The following FAH variants were observed in gnomAD, a reference collection of about 807,000 sequenced individuals.
FAH encodes the protein fumarylacetoacetase.
FAH carries 47 observed loss-of-function variants against 55.8 expected under a neutral mutation model. The ratio of observed to expected loss-of-function variants is 0.84; its 90% CI spans 0.67 to 1.07. FAH has a LOEUF of 1.07. Among genes scored for constraint, FAH ranks in the 50% least tolerant of loss-of-function variants. The pLI is 0.00. For missense variants in FAH, 495 were observed against 545.9 expected, an observed-to-expected ratio of 0.91 and a Z score of 0.93; for synonymous variants, 199 against 207.7, an observed-to-expected ratio of 0.96 and a Z score of 0.36.
At chr15:80,164,381 A>G (rs1227825302) in intron 5 of FAH, among the ~76,000 whole-genome samples, 2 of 152,176 alleles carry the variant, frequency 1.3e-5, no homozygotes, top group African/African-American at 4.8e-5. Flanking sequence ...GATTACATTT[A>G]GGGTTCACTC....
chr15:80,155,573 A>C (rs1229737035), intron 1 of FAH, among the ~76,000 whole-genome samples: 2 of 152,130 alleles, frequency 1.3e-5, no homozygotes, highest in Non-Finnish European at 2.9e-5. Flanking sequence ...TGTGTGCGGA[A>C]ACGAGAGATT....
At position 80,173,115 on chromosome 15, in the gene FAH, A is replaced by G; in HGVS notation, c.808A>G (p.Met270Val). 6.2e-7 allele frequency: 1 copy of G among 1,614,170 alleles called. No homozygotes were observed. Among genetic ancestry groups the G allele is most frequent in the Non-Finnish European group, 8.5e-7 (1 of 1,180,032 alleles). Residue 270 changes from methionine (M) to valine (V), a missense_variant, in exon 9 of 14, where the codon ATG becomes GTG. Transcript: ENST00000561421. The stretch of plus-strand genomic sequence containing the variant: ...GTGGGTGGTGCCCATGGATGCTCTC[A>G]TGCCCTTTGCTGTGCCCAACCCGAA... ...SPWVVPMDALMPFAVPNPKQD... is the reference protein window; with the variant it reads ...SPWVVPMDALVPFAVPNPKQD...
intron 5 of FAH, chr15:80,162,794 C>A (rs2041160139): frequency 4.2e-6 from 1 of 236,206 alleles, no homozygotes. Context: ...TGTCACAAGG[C>A]CATGATTGTA....
At chr15:80,152,860 G>C, upstream of FAH, 2 of 577,080 alleles carry the variant, frequency 3.5e-6, no homozygotes, top group Middle Eastern at 4.6e-4. Flanking sequence ...GAGGGGCAGG[G>C]CTCGGGGTTC....
intron 3 of FAH, 87 bp downstream of exon 3, chr15:80,159,964 G>T: frequency 6.5e-7 from 1 of 1,531,820 alleles, no homozygotes; most frequent in South Asian, 1.2e-5. Flanking sequence ...TCTGAGTCAC[G>T]GCTTGGCAGC....
rs1040361476 is a variant in FAH at position 80,171,937 on chromosome 15, C to T, written c.607-212C>T. Among the ~76,000 whole-genome samples, 8 of 152,116 alleles carry T rather than the reference C, an allele frequency of 5.3e-5. No homozygotes were observed. The South Asian group carries it at 8.3e-4, about 16-fold the overall frequency. On this transcript the variant is annotated intron_variant, in intron 7 of 13. Coordinates refer to ENST00000561421, the MANE Select transcript of FAH (RefSeq NM_000137.4). ...GAGCTCAGGGGAGTGGAAGGAAGGC[C>T]GATGGCGGGGGCAGGGCACACCACT... is the stretch of plus-strand genomic sequence containing the variant.
chr15:80,176,693 G>A (rs1056040375), intron 10 of FAH, among the ~76,000 whole-genome samples: 1 of 152,250 alleles, frequency 6.6e-6, no homozygotes, highest in African/African-American at 2.4e-5. Flanking sequence ...CGTGCTTGGA[G>A]TATACTTTCT....
chr15:80,175,625 G>C (rs979869575), intron 10 of FAH, among the ~76,000 whole-genome samples: 1 of 152,206 alleles, frequency 6.6e-6, no homozygotes, highest in Non-Finnish European at 1.5e-5. Context: ...CATAGACAGG[G>C]CCCACATCTC....
At chr15:80,165,764 G>A (rs1211933161) in intron 5 of FAH, among the ~76,000 whole-genome samples, 1 of 151,884 alleles carries the variant, frequency 6.6e-6, no homozygotes, top group Non-Finnish European at 1.5e-5. Flanking sequence ...AGGGAAATGA[G>A]GACCATGCTG....
intron 9 of FAH, chr15:80,173,834 C>CGAT (rs1168287720): frequency 6.3e-6 from 1 of 159,120 alleles, no homozygotes; most frequent in Non-Finnish European, 1.4e-5. Context: ...TGAGTCCTCA[C>CGAT]GATGCCCCTC....
At position 80,166,638 on chromosome 15, in the gene FAH, T is replaced by TC. The variant is rs1193652467; in HGVS notation, c.456-1414_456-1413insC. Reference sequence around the variant, plus strand: ...TAGATACAGAGTTTTGCATTTTCTTTTTTTTTTTTTTTTTTTGAGACAGAG... The same window carrying TC: ...TAGATACAGAGTTTTGCATTTTCTTTCTTTTTTTTTTTTTTTTGAGACAGAG... On this transcript the variant is annotated intron_variant, in intron 5 of 13. Transcript: ENST00000561421. Among the ~76,000 whole-genome samples the TC allele has an allele frequency of 7.5e-5, 11 of 146,094 alleles. No individual in the cohort carries two copies. The East Asian group carries it at 1.6e-3, about 21-fold the overall frequency.
intron 10 of FAH, among the ~76,000 whole-genome samples, chr15:80,176,579 G>A (rs1282046824): frequency 6.6e-6 from 1 of 152,204 alleles, no homozygotes; most frequent in Non-Finnish European, 1.5e-5. Context: ...GAGGCTCAGA[G>A]AGGAAAAGGA....
chr15:80,158,541 G>C (rs774921244), intron 2 of FAH, among the ~76,000 whole-genome samples: 1 of 152,212 alleles, frequency 6.6e-6, no homozygotes, highest in Non-Finnish European at 1.5e-5. Flanking sequence ...AGGGAGCTAC[G>C]AGCCCAGCCC....
chr15:80,177,811 G>T (rs569506633), intron 11 of FAH, among the ~76,000 whole-genome samples: 1 of 152,326 alleles, frequency 6.6e-6, no homozygotes, highest in South Asian at 2.1e-4. Context: ...GGGGAAAATA[G>T]GTGTTCCTGT....
Position 80,159,810 on chromosome 15 carries a change from G to A in FAH, c.247G>A (p.Val83Met). 3.7e-6 allele frequency: 6 copies of A among 1,614,226 alleles called. No homozygotes were observed. The highest frequency in any genetic ancestry group is 1.3e-5 in the African/African-American group (1 of 75,054). ...LGQAAWKEAR[V>M]FLQNLLSVSQ... Reference sequence around the variant, plus strand: ...TCAGGCTGCCTGGAAGGAGGCGAGAGTGTTCTTGCAGAACTTGCTGTCTGT... The same window carrying A: ...TCAGGCTGCCTGGAAGGAGGCGAGAATGTTCTTGCAGAACTTGCTGTCTGT... Residue 83 changes from valine (V) to methionine (M), a missense_variant, in exon 3 of 14, where the codon GTG becomes ATG. Physicochemically the swap from Val to Met is conservative, Grantham distance 21. Coordinates refer to ENST00000561421, the MANE Select transcript of FAH (RefSeq NM_000137.4).
At chr15:80,156,792 ACT>A (rs934323987) in intron 1 of FAH, 4 of 151,936 alleles carry the variant, frequency 2.6e-5, no homozygotes, top group Admixed American at 2.0e-4. Flanking sequence ...AGAGGGACTC[ACT>A]CTCTCAGACT....
intron 1 of FAH, 125 bp from the exon 2 acceptor site, chr15:80,157,935 C>T (rs569566580): frequency 3.7e-5 from 28 of 747,904 alleles, no homozygotes; most frequent in South Asian, 2.7e-4. Flanking sequence ...TTCTTCAGTC[C>T]GCTCTGCATA....
intron 1 of FAH, among the ~76,000 whole-genome samples, chr15:80,155,665 C>T (rs981624301): frequency 6.6e-6 from 1 of 151,946 alleles, no homozygotes; most frequent in South Asian, 2.1e-4. Context: ...ACACAGAGAC[C>T]GGTAGTGGCC....
intron 13 of FAH, among the ~76,000 whole-genome samples, chr15:80,181,395 C>G (rs957502919): frequency 3.3e-5 from 5 of 152,152 alleles, no homozygotes; most frequent in African/African-American, 1.2e-4. Flanking sequence ...TCTCCCTTCT[C>G]CCTGAGCATA....
Sources: allele counts gnomAD v4.1 joint callset (sites outside exome capture counted in the v4.1 genomes callset), GRCh38; gene constraint gnomAD v4.1.1; transcripts MANE v1.5; gene names NCBI Gene and HGNC (gene_info 2026-07-23, HGNC 2026-07-21).